AKR1E2: variants seen among roughly 807,000 people sequenced by gnomAD.
AKR1E2 encodes the protein 1,5-anhydro-D-fructose reductase.
AKR1E2 carries 43 observed loss-of-function variants against 41.9 expected under a neutral mutation model. The ratio of observed to expected loss-of-function variants is 1.03; its 90% CI spans 0.80 to 1.32. The LOEUF (loss-of-function observed/expected upper bound fraction) is 1.32, where lower values mean the gene tolerates loss of function less well. Among genes scored for constraint, AKR1E2 ranks in the 40% most tolerant of loss-of-function variants. AKR1E2 has a pLI of 0.00. For missense variants in AKR1E2, 423 were observed against 396.5 expected, an observed-to-expected ratio of 1.07 and a Z score of -0.57; for synonymous variants, 121 against 138.9, an observed-to-expected ratio of 0.87 and a Z score of 0.91.
intron 8 of AKR1E2, among the ~76,000 whole-genome samples, chr10:4,844,882 G>A (rs898822770): frequency 1.3e-5 from 2 of 152,250 alleles, no homozygotes; most frequent in Non-Finnish European, 2.9e-5. Context: ...GGCCGCAGGT[G>A]AAGGCGCCTG....
chr10:4,863,028 A>G, the AKR1E2 span, among the ~76,000 whole-genome samples: 6 of 151,746 alleles, frequency 4.0e-5, no homozygotes, highest in Non-Finnish European at 8.9e-5. Flanking sequence ...TTAACACCCC[A>G]CTGTCAACAT....
intron 2 of AKR1E2, among the ~76,000 whole-genome samples, chr10:4,831,679 A>G (rs1325122054): frequency 6.6e-6 from 1 of 152,210 alleles, no homozygotes; most frequent in African/African-American, 2.4e-5. Flanking sequence ...CAACCAAACC[A>G]AATCACTTGG....
chr10:4,859,671 G>A, the AKR1E2 span, among the ~76,000 whole-genome samples: 25 of 152,312 alleles, frequency 1.6e-4, 1 homozygote, highest in African/African-American at 5.8e-4. Flanking sequence ...ATTGTATGAG[G>A]TGAAATTCCA....
rs1267912778 is a variant in AKR1E2 at position 4,835,738 on chromosome 10, G to C, written c.388G>C (p.Val130Leu). ...TTCCTTCTGCCTCTCACATCCTCGA[G>C]TGCAGGACTTGCCTCTGGACGAGAG... ...ELSFCLSHPRVQDLPLDESNM... is the reference protein window; with the variant it reads ...ELSFCLSHPRLQDLPLDESNM... Residue 130 changes from valine (V) to leucine (L), a missense_variant, in exon 4 of 10, where the codon GTG (valine) becomes CTG (leucine). Val to Leu is a conservative substitution (Grantham distance 32). Transcript: ENST00000298375. 6.2e-7 allele frequency: 1 copy of C among 1,614,030 alleles called. No individual in the cohort carries two copies. The highest frequency in any genetic ancestry group is 8.5e-7 in the Non-Finnish European group (1 of 1,180,048).
intron 4 of AKR1E2, among the ~76,000 whole-genome samples, chr10:4,836,827 G>C (rs952413950): frequency 6.6e-6 from 1 of 152,220 alleles, no homozygotes; most frequent in Admixed American, 6.5e-5. Context: ...TAACTGCTGC[G>C]TGTTGGCCCA....
chr10:4,852,608 G>A (rs7067785), downstream of AKR1E2, among the ~76,000 whole-genome samples: 31,185 of 152,056 alleles, frequency 0.21, 3,403 homozygotes, highest in Middle Eastern at 0.34. Context: ...TCACCACTGT[G>A]CCACCCCACC....
intron 2 of AKR1E2, among the ~76,000 whole-genome samples, chr10:4,832,863 A>T (rs892479393): frequency 1.3e-5 from 2 of 152,184 alleles, no homozygotes; most frequent in African/African-American, 4.8e-5. Context: ...ACATAATGAG[A>T]GTGTGGAAGG....
chr10:4,858,135 T>C, the AKR1E2 span, among the ~76,000 whole-genome samples: 1 of 152,218 alleles, frequency 6.6e-6, no homozygotes, highest in African/African-American at 2.4e-5. Context: ...ATTTCTTTCA[T>C]TGACATTTCA....
downstream of AKR1E2, among the ~76,000 whole-genome samples, chr10:4,849,535 T>A (rs1834482391): frequency 6.6e-6 from 1 of 152,256 alleles, no homozygotes; most frequent in African/African-American, 2.4e-5. Context: ...TGAATTTTCC[T>A]TGTCACTTAT....
chr10:4,867,615 C>T, the AKR1E2 span, among the ~76,000 whole-genome samples: 1 of 152,200 alleles, frequency 6.6e-6, no homozygotes, highest in Non-Finnish European at 1.5e-5. Context: ...TTGGATGTGC[C>T]AATAGTCAGT....
chr10:4,827,598 G>A (rs1240006040), intron 1 of AKR1E2, among the ~76,000 whole-genome samples: 1 of 149,048 alleles, frequency 6.7e-6, no homozygotes, highest in Non-Finnish European at 1.5e-5. Context: ...TTTAAAATTT[G>A]ATCTTTAAAA....
At chr10:4,839,624 A>G (rs867747848) in intron 5 of AKR1E2, 105 bp from the exon 6 acceptor site, 56 of 1,024,834 alleles carry the variant, frequency 5.5e-5, no homozygotes, top group Middle Eastern at 4.1e-4. Flanking sequence ...GCTGGGCCCC[A>G]TGGCTACTCG....
chr10:4,861,934 A>G, the AKR1E2 span, among the ~76,000 whole-genome samples: 64 of 152,238 alleles, frequency 4.2e-4, no homozygotes, highest in African/African-American at 1.5e-3. Flanking sequence ...CTTTGGTTTA[A>G]TTAGATCCCA....
chr10:4,857,127 T>C, the AKR1E2 span, among the ~76,000 whole-genome samples: 1 of 152,180 alleles, frequency 6.6e-6, no homozygotes, highest in Non-Finnish European at 1.5e-5. Context: ...CTTATTTCAC[T>C]TACCATATTG....
the AKR1E2 span, among the ~76,000 whole-genome samples, chr10:4,856,293 TTC>T: frequency 3.3e-5 from 5 of 152,332 alleles, no homozygotes; most frequent in East Asian, 3.9e-4. Context: ...GTAAAAGAAA[TTC>T]TGTTTGTGAA....
intron 3 of AKR1E2, 91 bp from the exon 4 acceptor site, chr10:4,835,584 G>A: frequency 1.4e-6 from 2 of 1,479,858 alleles, no homozygotes; most frequent in African/African-American, 1.4e-5. Context: ...TTAGTGACAG[G>A]GCTGTGGCTT....
At position 4,826,631 on chromosome 10, in the gene AKR1E2, T is replaced by C. The variant is rs117373798; in HGVS notation, c.39+268T>C. Among the ~76,000 whole-genome samples the C allele has an allele frequency of 0.033, 4,981 of 152,140 alleles. 134 individuals are homozygous for C. Among genetic ancestry groups the C allele is most frequent in the East Asian group, 0.11 (580 of 5,116 alleles). On this transcript the variant is annotated intron_variant, in intron 1 of 9. Coordinates refer to ENST00000298375, the MANE Select transcript of AKR1E2 (RefSeq NM_001040177.3). ...GCAGCCAAGCCTCAGACTCTGGGGCTGCGGCCGCGGCGTTGGGCGGGGCTG... is the reference window on the plus strand; with the variant it reads ...GCAGCCAAGCCTCAGACTCTGGGGCCGCGGCCGCGGCGTTGGGCGGGGCTG...
the AKR1E2 span, among the ~76,000 whole-genome samples, chr10:4,856,560 G>T: frequency 4.6e-5 from 7 of 152,192 alleles, no homozygotes; most frequent in Admixed American, 4.6e-4. Context: ...AGTGACAGTT[G>T]ACTTATTTGG....
At chr10:4,872,696 GAACAAAAACAA>G in the AKR1E2 span, among the ~76,000 whole-genome samples, 3 of 152,070 alleles carry the variant, frequency 2.0e-5, no homozygotes, top group Middle Eastern at 3.4e-3. Flanking sequence ...ACTAGTTTAA[GAACAAAAACAA>G]AACAAAAACC....
Sources: allele counts gnomAD v4.1 joint callset (sites outside exome capture counted in the v4.1 genomes callset), GRCh38; gene constraint gnomAD v4.1.1; transcripts MANE v1.5; gene names NCBI Gene and HGNC (gene_info 2026-07-23, HGNC 2026-07-21).